The following USP40 variants were observed in gnomAD, a reference collection of about 807,000 sequenced individuals.
USP40 encodes the protein ubiquitin specific peptidase 40, also known as ubiquitin carboxyl-terminal hydrolase 40.
Under a neutral mutation model 166.2 loss-of-function variants are expected in USP40, and 143 were observed. The observed-to-expected ratio is 0.86, with a 90% CI of 0.75 to 0.99. The LOEUF is 0.99. USP40 is among the 50% of genes least tolerant of loss of function. USP40 has a pLI of 0.00. For synonymous variants in USP40, 498 were observed against 524.0 expected, an observed-to-expected ratio of 0.95 and a Z score of 0.68; for missense variants, 1,444 against 1,479.7, an observed-to-expected ratio of 0.98 and a Z score of 0.40.
chr2:233,566,521 A>C (rs2072174620), intron 1 of USP40, among the ~76,000 whole-genome samples, 163 bp downstream of exon 1: 1 of 152,082 alleles, frequency 6.6e-6, no homozygotes, highest in Non-Finnish European at 1.5e-5. Context: ...AAAAAGGCAG[A>C]GGTCCCCGTG....
chr2:233,484,590 T>G (rs1044079203), intron 30 of USP40, among the ~76,000 whole-genome samples: 4 of 151,662 alleles, frequency 2.6e-5, no homozygotes, highest in African/African-American at 9.7e-5. Flanking sequence ...CTAGCGATCC[T>G]CCTACCTCAG....
At chr2:233,528,676 G>C (rs1023618723) in intron 12 of USP40, among the ~76,000 whole-genome samples, 5 of 151,894 alleles carry the variant, frequency 3.3e-5, no homozygotes, top group African/African-American at 1.2e-4. Context: ...TGGTATCTTG[G>C]TTTTTGTTGT....
Position 233,489,662 on chromosome 2 carries a change from C to A in USP40, c.3013-179G>T, listed in dbSNP as rs899564006. On this transcript the variant is annotated intron_variant, in intron 26 of 31. Coordinates refer to ENST00000678225, the MANE Select transcript of USP40 (RefSeq NM_001365479.2). ...TCTCTCTCTCTTAAATAACACTAACCCTGAGCGGTCTTCATATTCCTCTGC... is the reference window on the plus strand; with the variant it reads ...TCTCTCTCTCTTAAATAACACTAACACTGAGCGGTCTTCATATTCCTCTGC... 1.9e-5 allele frequency: 11 copies of A among 586,968 alleles called. No homozygotes were observed. In the South Asian group the frequency reaches 2.4e-4, roughly 13 times the overall value. The allele number at this position is 586,968 out of a possible 1,614,324, so 36.4% of individuals were successfully genotyped here.
At chr2:233,542,616 T>C (rs2069526049) in intron 8 of USP40, 1 of 334,296 alleles carries the variant, frequency 3.0e-6, no homozygotes. Context: ...AGGTCAAGGC[T>C]GCAGTAGGCC....
chr2:233,556,545 C>A (rs2071115855), intron 5 of USP40: 1 of 168,496 alleles, frequency 5.9e-6, no homozygotes. Context: ...TTACAATATT[C>A]CAACCATGAT....
At chr2:233,538,820 C>T (rs1038560660) in intron 10 of USP40, among the ~76,000 whole-genome samples, 1 of 152,070 alleles carries the variant, frequency 6.6e-6, no homozygotes, top group African/African-American at 2.4e-5. Flanking sequence ...AGTTCAAGAC[C>T]AGCCTGGGCA....
At chr2:233,479,630 T>C (rs753943057) in intron 31 of USP40, among the ~76,000 whole-genome samples, 3 of 128,862 alleles carry the variant, frequency 2.3e-5, no homozygotes, top group African/African-American at 3.6e-5. Context: ...GAATTTTACG[T>C]GTGTGTGTGT....
At chr2:233,488,209 TC>T in intron 28 of USP40, 29 bp downstream of exon 28, 1 of 1,577,356 alleles carries the variant, frequency 6.3e-7, no homozygotes, top group South Asian at 1.2e-5. Flanking sequence ...TACGTGTGTG[TC>T]ACTTCAGATG....
rs569920717 is a variant in USP40, at chr2:233,489,402, G to C, written c.3094C>G (p.Pro1032Ala). 6.2e-7 allele frequency: 1 copy of C among 1,601,898 alleles called. No individual in the cohort carries two copies. The highest frequency in any genetic ancestry group is 1.1e-5 in the South Asian group (1 of 88,314). The change falls in exon 27 of 32, where the codon CCA becomes GCA. Residue 1032 changes from proline (P) to alanine (A), a missense_variant. Transcript: ENST00000678225. ...LRAWTVERKR[P>A]GRLLRTDRQP... ...CGGTCAGTTCGTAAAAGCCTGCCTG[G>C]GCGCTTCCTCTCCACCGTCCAGGCT...
Position 233,476,802 on chromosome 2 carries a change from G to A in USP40, c.*590C>T, listed in dbSNP as rs1397889449. On this transcript the variant is annotated 3_prime_UTR_variant, in exon 32 of 32. Transcript: ENST00000678225. ...TGGCTCCTCCTCGTGGAAAGAGCTC[G>A]CACTTTTCAGCATCGCAGTTTTAAC... The A allele has an allele frequency of 2.5e-5, 4 of 161,856 alleles. No homozygotes were observed. Among genetic ancestry groups the A allele is most frequent in the East Asian group, 1.8e-4 (1 of 5,542 alleles). 10.0% of individuals were successfully genotyped at this position (161,856 alleles called of 1,614,324 possible). A position where few individuals can be genotyped will look rare whatever the true frequency, so the allele number is the denominator to read the frequency against.
At chr2:233,511,591 T>C (rs1291719436) in intron 20 of USP40, 118 bp downstream of exon 20, 3 of 656,664 alleles carry the variant, frequency 4.6e-6, no homozygotes, top group African/African-American at 1.9e-5. Context: ...AAATAAAATG[T>C]ATGATTTAAG....
chr2:233,566,363 C>T (rs2072158538), intron 1 of USP40, among the ~76,000 whole-genome samples: 1 of 152,180 alleles, frequency 6.6e-6, no homozygotes, highest in African/African-American at 2.4e-5. Context: ...ACAGGAAGCG[C>T]TGAAATGCAA....
At chr2:233,564,564 T>G (rs2071964313) in intron 2 of USP40, among the ~76,000 whole-genome samples, 1 of 152,158 alleles carries the variant, frequency 6.6e-6, no homozygotes, top group Non-Finnish European at 1.5e-5. Flanking sequence ...ATCCCCTATA[T>G]TCTTACAATA....
intron 30 of USP40, chr2:233,481,671 C>T (rs2064602677): frequency 4.5e-6 from 1 of 223,996 alleles, no homozygotes; most frequent in Admixed American, 5.6e-5. Flanking sequence ...TTTATAGACA[C>T]CGTCAGTCTG....
chr2:233,553,503 T>C (rs1001172691), intron 6 of USP40, among the ~76,000 whole-genome samples: 2 of 152,180 alleles, frequency 1.3e-5, no homozygotes, highest in African/African-American at 4.8e-5. Flanking sequence ...AACACCAATA[T>C]GTGGCAGAGG....
In USP40 at chr2:233,491,278, C is replaced by T. The variant is rs1414102550; in HGVS notation, c.2918-17G>A. The T allele has an allele frequency of 1.0e-5, 16 of 1,581,714 alleles. No homozygotes were observed. Among genetic ancestry groups the T allele is most frequent in the South Asian group, 1.1e-5 (1 of 88,706 alleles). ...CAGAAGCACCTTCCAAAGGACAGAG[C>T]GGGATGTTTACAAGGAACTTGAAAC... On this transcript the variant is annotated splice_polypyrimidine_tract_variant and intron_variant, in intron 25 of 31. Transcript: ENST00000678225.
At chr2:233,522,196 C>T (rs1372917934) in intron 16 of USP40, among the ~76,000 whole-genome samples, 1 of 152,128 alleles carries the variant, frequency 6.6e-6, no homozygotes, top group Non-Finnish European at 1.5e-5. Flanking sequence ...TACTTATCTA[C>T]AAAATAATCA....
chr2:233,533,682 T>C lies in USP40; in HGVS notation c.1268A>G (p.Gln423Arg), dbSNP rs757009672. ...NSSLQAESDF[Q>R]RNDQQIFKML... ...CTTGAAAATTTGCTGGTCATTCCTTTGGAAATCAGACTCAGCCTGGAGAGA... is the reference window on the plus strand; with the variant it reads ...CTTGAAAATTTGCTGGTCATTCCTTCGGAAATCAGACTCAGCCTGGAGAGA... Residue 423 changes from glutamine (Q) to arginine (R), a missense_variant, in exon 11 of 32, where the codon CAA becomes CGA. Gln to Arg is a conservative substitution (Grantham distance 43). Transcript: ENST00000678225. 1 of 1,613,772 alleles carries C rather than the reference T, an allele frequency of 6.2e-7. No homozygotes were observed. Among genetic ancestry groups the C allele is most frequent in the Non-Finnish European group, 8.5e-7 (1 of 1,179,804 alleles).
chr2:233,490,435 G>A (rs536614983), intron 26 of USP40, among the ~76,000 whole-genome samples: 18 of 151,808 alleles, frequency 1.2e-4, no homozygotes, highest in Non-Finnish European at 2.6e-4. Flanking sequence ...GACTCCTAAA[G>A]TGCTGGGATT....
Sources: allele counts gnomAD v4.1 joint callset (sites outside exome capture counted in the v4.1 genomes callset), GRCh38; gene constraint gnomAD v4.1.1; transcripts MANE v1.5; gene names NCBI Gene and HGNC (gene_info 2026-07-23, HGNC 2026-07-21).